CRYBA4: variants seen among roughly 807,000 people sequenced by gnomAD.
The protein encoded by CRYBA4 is crystallin beta A4, also known as beta-crystallin A4.
CRYBA4 carries 30 observed loss-of-function variants against 31.7 expected under a neutral mutation model. The observed-to-expected ratio is 0.95, with a 90% CI of 0.71 to 1.28. The LOEUF (loss-of-function observed/expected upper bound fraction) is 1.28. CRYBA4 is among the 50% of genes most tolerant of loss of function. The pLI is 0.00. For synonymous variants in CRYBA4, 102 were observed against 102.3 expected, an observed-to-expected ratio of 1.00 and a Z score of 0.02; for missense variants, 225 against 260.7, an observed-to-expected ratio of 0.86 and a Z score of 0.94.
the CRYBA4 span, among the ~76,000 whole-genome samples, chr22:26,608,710 G>A: frequency 3.3e-5 from 5 of 152,098 alleles, no homozygotes; most frequent in African/African-American, 7.2e-5. Flanking sequence ...CGACAGTCTC[G>A]GAGGTACAGG....
the CRYBA4 span, among the ~76,000 whole-genome samples, chr22:26,605,781 C>G: frequency 1.3e-5 from 2 of 149,070 alleles, no homozygotes; most frequent in East Asian, 4.0e-4. Context: ...AAAGATCCCT[C>G]TAACTTCCCA....
the CRYBA4 span, among the ~76,000 whole-genome samples, chr22:26,608,463 T>A: frequency 1.3e-5 from 2 of 152,186 alleles, no homozygotes; most frequent in African/African-American, 4.8e-5. Flanking sequence ...TAATCTCTCC[T>A]TTTTTTCTTT....
intron 4 of CRYBA4, among the ~76,000 whole-genome samples, chr22:26,628,043 G>GTTTT: frequency 6.6e-6 from 1 of 151,984 alleles, no homozygotes. Flanking sequence ...TTGTTTGTTT[G>GTTTT]TTTTTGAAAA....
chr22:26,604,436 G>A, the CRYBA4 span, among the ~76,000 whole-genome samples: 1 of 152,228 alleles, frequency 6.6e-6, no homozygotes, highest in Non-Finnish European at 1.5e-5. Context: ...GAGGAGCCCA[G>A]AACGTAAGTG....
At chr22:26,613,694 A>C in the CRYBA4 span, among the ~76,000 whole-genome samples, 4 of 152,168 alleles carry the variant, frequency 2.6e-5, no homozygotes, top group African/African-American at 9.7e-5. Context: ...TAACTGCACA[A>C]ATTGTACAGC....
chr22:26,605,146 C>G, the CRYBA4 span, among the ~76,000 whole-genome samples: 70 of 152,316 alleles, frequency 4.6e-4, no homozygotes, highest in South Asian at 0.014. Context: ...CTGATGACCC[C>G]CTGACCACTC....
chr22:26,630,353 C>CG lies in CRYBA4; in HGVS notation c.457_458insG (p.Gln153ArgfsTer20). The CG allele has an allele frequency of 6.2e-7, 1 of 1,614,210 alleles. No individual in the cohort carries two copies. The highest frequency in any genetic ancestry group is 8.5e-7 in the Non-Finnish European group (1 of 1,180,026). ...TCTCTTTTCCAGCTGGGTTTGCTCC[C>CG]AGTTTCCGGGCTACCGAGGATTTCA... On this transcript the variant is annotated frameshift_variant, in exon 6 of 6. Coordinates refer to ENST00000354760, the MANE Select transcript of CRYBA4 (RefSeq NM_001886.3). LOFTEE classifies it high-confidence loss of function.
chr22:26,590,421 AC>A, the CRYBA4 span, among the ~76,000 whole-genome samples: 1 of 152,318 alleles, frequency 6.6e-6, no homozygotes, highest in East Asian at 1.9e-4. Context: ...TGGAATGATC[AC>A]CAAAAAGTGG....
the CRYBA4 span, among the ~76,000 whole-genome samples, chr22:26,604,715 A>G: frequency 6.6e-6 from 1 of 152,352 alleles, no homozygotes; most frequent in African/African-American, 2.4e-5. Context: ...AGGCAAGTGC[A>G]AGGTGCCAGG....
chr22:26,607,751 C>A, the CRYBA4 span: 8 of 1,150,336 alleles, frequency 7.0e-6, no homozygotes, highest in Non-Finnish European at 1.0e-5. Context: ...CTCAAGAATC[C>A]ACGGTCCTTT....
Position 26,625,574 on chromosome 22 carries a change from G to C in CRYBA4, c.252G>C (p.Thr84=). Residue 84 remains threonine, a synonymous_variant, in exon 4 of 6, where the codon ACG becomes ACC. Transcript: ENST00000354760. The part of the protein sequence containing the change: ...YPSWDAWGGN[T]AYPAERLTSF... ...GCTGGGATGCCTGGGGCGGCAACAC[G>C]GCCTACCCCGCCGAGAGGCTCACCT... 6.2e-7 allele frequency: 1 copy of C among 1,613,806 alleles called. No individual in the cohort carries two copies. The highest frequency in any genetic ancestry group is 2.2e-5 in the East Asian group (1 of 44,876).
the CRYBA4 span, chr22:26,612,114 C>G: frequency 6.2e-7 from 1 of 1,613,856 alleles, no homozygotes; most frequent in Non-Finnish European, 8.5e-7. Context: ...GTCGAAGCCA[C>G]GGTCTGCCAG....
chr22:26,628,486 G>GT, intron 5 of CRYBA4, 56 bp downstream of exon 5: 1 of 1,597,750 alleles, frequency 6.3e-7, no homozygotes, highest in South Asian at 1.1e-5. Context: ...AGGGGTAGGT[G>GT]TACCTCCTGT....
At chr22:26,612,512 C>T in the CRYBA4 span, among the ~76,000 whole-genome samples, 2 of 152,184 alleles carry the variant, frequency 1.3e-5, no homozygotes, top group Non-Finnish European at 2.9e-5. Context: ...CAGGCACCCA[C>T]CACCATGCCT....
the CRYBA4 span, chr22:26,612,246 A>C: frequency 4.3e-6 from 5 of 1,155,534 alleles, no homozygotes; most frequent in Admixed American, 8.4e-5. Flanking sequence ...TCAAAAATTC[A>C]TTAAGTATCT....
At chr22:26,630,301 GTC>G (rs1929884713) in intron 5 of CRYBA4, 37 bp from the exon 6 acceptor site, 3 of 1,613,426 alleles carry the variant, frequency 1.9e-6, no homozygotes, top group South Asian at 2.2e-5. Flanking sequence ...CCATGCTGGT[GTC>G]TCTGTAGAGT....
the CRYBA4 span, among the ~76,000 whole-genome samples, chr22:26,611,463 TTTTTTG>T: frequency 7.3e-6 from 1 of 136,390 alleles, no homozygotes; most frequent in African/African-American, 2.5e-5. Flanking sequence ...TGTTTTTTTT[TTTTTTG>T]TTTTTTTTTT....
the CRYBA4 span, among the ~76,000 whole-genome samples, chr22:26,614,314 G>A: frequency 4.6e-5 from 7 of 152,120 alleles, no homozygotes; most frequent in African/African-American, 1.4e-4. Context: ...GGGGCATCAC[G>A]GAACCTACTG....
At chr22:26,607,847 C>G in the CRYBA4 span, 3 of 1,613,766 alleles carry the variant, frequency 1.9e-6, no homozygotes, top group Non-Finnish European at 2.5e-6. Flanking sequence ...CTGCCCTGCC[C>G]CGCCTGGCTG....
Sources: gnomAD v4.1 joint callset for allele counts (sites outside exome capture counted in the v4.1 genomes callset) on GRCh38, gnomAD v4.1.1 for gene constraint, MANE v1.5 for transcripts, NCBI Gene and HGNC (gene_info 2026-07-23, HGNC 2026-07-21) for gene names.